Variants in MRTFB observed in about 807,000 individuals in gnomAD.
The protein encoded by MRTFB is myocardin related transcription factor B.
Under a neutral mutation model 104.2 loss-of-function variants are expected in MRTFB, and 29 were observed. The observed-to-expected ratio is 0.28, with a 90% CI of 0.21 to 0.38. MRTFB has a LOEUF of 0.38. Among genes scored for constraint, MRTFB ranks in the 10% least tolerant of loss-of-function variants. MRTFB has a pLI of 1.00. For synonymous variants in MRTFB, 535 were observed against 519.5 expected, an observed-to-expected ratio of 1.03 and a Z score of -0.41; for missense variants, 1,270 against 1,341.6, an observed-to-expected ratio of 0.95 and a Z score of 0.83.
chr16:14,189,056 C>T (rs865832249), intron 3 of MRTFB, among the ~76,000 whole-genome samples: 1 of 151,714 alleles, frequency 6.6e-6, no homozygotes, highest in Non-Finnish European at 1.5e-5. Flanking sequence ...TATTTCTCCT[C>T]ATTTAATAGA....
At chr16:14,129,758 CG>C (rs1206738356) in intron 2 of MRTFB, among the ~76,000 whole-genome samples, 1 of 152,138 alleles carries the variant, frequency 6.6e-6, no homozygotes, top group Non-Finnish European at 1.5e-5. Flanking sequence ...ATTGCATTTC[CG>C]TAATAACTGA....
At chr16:14,010,279 A>G in the MRTFB span, among the ~76,000 whole-genome samples, 2 of 151,882 alleles carry the variant, frequency 1.3e-5, no homozygotes, top group African/African-American at 4.9e-5. Context: ...TTCATATGAT[A>G]ATTACATGGA....
chr16:14,181,786 G>GT (rs2039779588), intron 3 of MRTFB, among the ~76,000 whole-genome samples: 1 of 152,064 alleles, frequency 6.6e-6, no homozygotes, highest in Admixed American at 6.6e-5. Context: ...AAGTTTTTGT[G>GT]TAAGTCCCTT....
At chr16:14,161,107 TTTTTG>T (rs1448010839) in intron 3 of MRTFB, among the ~76,000 whole-genome samples, 1 of 147,540 alleles carries the variant, frequency 6.8e-6, no homozygotes, top group Non-Finnish European at 1.5e-5. Context: ...TTTTTTTTTT[TTTTTG>T]TAATCGTGAG....
chr16:14,030,001 AG>A, the MRTFB span, among the ~76,000 whole-genome samples: 11 of 127,346 alleles, frequency 8.6e-5, 1 homozygote, highest in South Asian at 2.6e-4. Flanking sequence ...GGGCATGGGG[AG>A]GGGGGAGGGG....
intron 2 of MRTFB, among the ~76,000 whole-genome samples, chr16:14,097,742 T>C (rs1422102116): frequency 6.6e-6 from 1 of 152,236 alleles, no homozygotes; most frequent in Admixed American, 6.5e-5. Context: ...CATGCTCCTT[T>C]GCCCCTGTTT....
the MRTFB span, among the ~76,000 whole-genome samples, chr16:14,051,858 C>T: frequency 6.6e-6 from 1 of 152,168 alleles, no homozygotes. Flanking sequence ...AAATATTCTT[C>T]TCCACCTTTT....
the MRTFB span, among the ~76,000 whole-genome samples, chr16:13,995,877 C>A: frequency 6.6e-6 from 1 of 152,152 alleles, no homozygotes. Context: ...CCTCCATCAT[C>A]AAGGATTACA....
intron 2 of MRTFB, among the ~76,000 whole-genome samples, chr16:14,106,165 G>A (rs141294727): frequency 1.6e-3 from 243 of 152,318 alleles, no homozygotes; most frequent in Non-Finnish European, 2.6e-3. Context: ...ACCCCATGGA[G>A]CTCAGATTCT....
intron 3 of MRTFB, chr16:14,200,639 G>C (rs1024051134): frequency 6.4e-7 from 1 of 1,572,942 alleles, no homozygotes; most frequent in East Asian, 2.2e-5. Flanking sequence ...GTGGAATCAC[G>C]TTGATGAAGA....
At chr16:14,063,291 T>G in the MRTFB span, among the ~76,000 whole-genome samples, 623 of 152,322 alleles carry the variant, frequency 4.1e-3, 6 homozygotes, top group African/African-American at 0.014. Flanking sequence ...CACATGTGTC[T>G]CAAGATGTCA....
chr16:14,242,655 T>C (rs2151379154), intron 10 of MRTFB, among the ~76,000 whole-genome samples: 1 of 152,218 alleles, frequency 6.6e-6, no homozygotes, highest in Admixed American at 6.5e-5. Flanking sequence ...GTCTGCACAA[T>C]GGGAGGTCAC....
chr16:14,025,944 A>C, the MRTFB span, among the ~76,000 whole-genome samples: 2 of 152,246 alleles, frequency 1.3e-5, no homozygotes, highest in East Asian at 3.8e-4. Flanking sequence ...TATACACTGA[A>C]AATTACAAAA....
intron 3 of MRTFB, chr16:14,201,037 A>G (rs1054980718): frequency 6.6e-7 from 1 of 1,510,990 alleles, no homozygotes; most frequent in African/African-American, 1.4e-5. Flanking sequence ...CTTGACTTTG[A>G]ACCTTTTAGA....
chr16:14,072,320 G>A (rs2033756926), intron 1 of MRTFB, among the ~76,000 whole-genome samples: 1 of 152,142 alleles, frequency 6.6e-6, no homozygotes, highest in Non-Finnish European at 1.5e-5. Context: ...TGATTGAAGC[G>A]TAAGGGCGAA....
chr16:14,246,425 T>C (rs534917420), intron 11 of MRTFB, 48 bp from the exon 12 acceptor site: 1 of 1,581,560 alleles, frequency 6.3e-7, no homozygotes, highest in African/African-American at 1.3e-5. Flanking sequence ...ACTGTAGATT[T>C]GCCAGAAAGC....
chr16:14,033,917 A>T, the MRTFB span, among the ~76,000 whole-genome samples: 1 of 152,096 alleles, frequency 6.6e-6, no homozygotes, highest in African/African-American at 2.4e-5. Context: ...GGTTCAAAAT[A>T]AGGAAATCCA....
the MRTFB span, among the ~76,000 whole-genome samples, chr16:14,044,165 G>A: frequency 6.6e-6 from 1 of 152,206 alleles, no homozygotes; most frequent in African/African-American, 2.4e-5. Flanking sequence ...CAGTCAGTCA[G>A]TCAGTCTACT....
chr16:14,235,302 C>G (rs1048219414), intron 9 of MRTFB, among the ~76,000 whole-genome samples: 3 of 152,248 alleles, frequency 2.0e-5, no homozygotes, highest in African/African-American at 4.8e-5. Context: ...TCCCCATCTT[C>G]TGTTGCTTAG....
Sources: gnomAD v4.1 joint callset for allele counts (sites outside exome capture counted in the v4.1 genomes callset) on GRCh38, gnomAD v4.1.1 for gene constraint, MANE v1.5 for transcripts, NCBI Gene and HGNC (gene_info 2026-07-23, HGNC 2026-07-21) for gene names.